The following SMARCAD1 variants were observed in gnomAD, a reference collection of about 807,000 sequenced individuals.
The protein encoded by SMARCAD1 is SNF2 related chromatin remodeling ATPase with DExD box 1, also known as SWI/SNF-related matrix-associated actin-dependent regulator of chromatin subfamily A containing DEAD/H box 1.
Under a neutral mutation model 127.1 loss-of-function variants are expected in SMARCAD1, and 25 were observed. The observed-to-expected ratio is 0.20, with a 90% confidence interval of 0.14 to 0.27. The LOEUF is 0.27. SMARCAD1 is among the 10% of genes least tolerant of loss of function. The pLI, the probability that SMARCAD1 is intolerant of heterozygous loss-of-function variation, is 1.00. For synonymous variants in SMARCAD1, 400 were observed against 396.9 expected, an observed-to-expected ratio of 1.01 and a Z score of -0.09; for missense variants, 807 against 1,206.0, an observed-to-expected ratio of 0.67 and a Z score of 4.90.
At chr4:94,214,694 A>AAGACAT (rs1278901958) in intron 2 of SMARCAD1, among the ~76,000 whole-genome samples, 1 of 152,224 alleles carries the variant, frequency 6.6e-6, no homozygotes, top group Non-Finnish European at 1.5e-5. Flanking sequence ...CAAAAGAATA[A>AAGACAT]AGACATATTT....
intron 2 of SMARCAD1, among the ~76,000 whole-genome samples, chr4:94,220,668 C>T (rs892793172): frequency 2.0e-5 from 3 of 152,162 alleles, no homozygotes; most frequent in South Asian, 2.1e-4. Flanking sequence ...GCCTTTTTCA[C>T]GATATTGATA....
intron 6 of SMARCAD1, among the ~76,000 whole-genome samples, chr4:94,243,770 A>G (rs1398203784): frequency 6.6e-6 from 1 of 152,144 alleles, no homozygotes; most frequent in African/African-American, 2.4e-5. Context: ...TCTTTTTACC[A>G]TGTATATTAT....
chr4:94,273,983 AGT>A (rs988644090), intron 12 of SMARCAD1, among the ~76,000 whole-genome samples: 4 of 152,228 alleles, frequency 2.6e-5, no homozygotes, highest in African/African-American at 9.6e-5. Flanking sequence ...TAATACTTTT[AGT>A]TACTTTTAAA....
At chr4:94,212,591 A>G (rs565815043) in intron 2 of SMARCAD1, among the ~76,000 whole-genome samples, 22 of 152,082 alleles carry the variant, frequency 1.4e-4, no homozygotes, top group African/African-American at 4.8e-4. Flanking sequence ...GGTTCAAGCA[A>G]TTCTCCTGCC....
intron 22 of SMARCAD1, among the ~76,000 whole-genome samples, chr4:94,284,349 A>AAAG (rs1754585052): frequency 1.0e-5 from 1 of 99,966 alleles, no homozygotes; most frequent in African/African-American, 3.0e-5. Flanking sequence ...AAAAAAAAAA[A>AAAG]AAAAGAAAAA....
At chr4:94,253,574 T>G (rs955118439) in intron 9 of SMARCAD1, 7 of 1,089,974 alleles carry the variant, frequency 6.4e-6, no homozygotes, top group Middle Eastern at 4.2e-4. Context: ...GGCCATTTTA[T>G]GGAGTGTAGC....
chr4:94,274,662 A>G, intron 12 of SMARCAD1, 76 bp from the exon 13 acceptor site: 1 of 1,363,640 alleles, frequency 7.3e-7, no homozygotes, highest in Non-Finnish European at 1.1e-6. Context: ...AGCACTTGTC[A>G]AAGTTTAGTG....
intron 10 of SMARCAD1, 30 bp from the exon 11 acceptor site, chr4:94,270,698 T>C (rs1348753039): frequency 6.5e-7 from 1 of 1,547,748 alleles, no homozygotes; most frequent in Non-Finnish European, 8.9e-7. Context: ...AATATAGATG[T>C]GTAATATTTG....
rs1027284767 is a variant in SMARCAD1, at chr4:94,239,428, T to A, written c.605-1478T>A. Among the ~76,000 whole-genome samples, 3 of 19,660 alleles carry A rather than the reference T, an allele frequency of 1.5e-4. No homozygotes were observed. The Admixed American group carries it at 2.4e-3, about 16-fold the overall frequency. 12.9% of individuals were successfully genotyped at this position (19,660 alleles called of 152,430 possible). A position where few individuals can be genotyped will look rare whatever the true frequency, so the allele number is the denominator to read the frequency against. On this transcript the variant is annotated intron_variant, in intron 5 of 23. Coordinates refer to ENST00000354268, the MANE Select transcript of SMARCAD1 (RefSeq NM_020159.5). Reference sequence around the variant, plus strand: ...ACACTAGGGATGTTTTTATGCTGTTTGTTTTGAAAGTTTGTTTTTGAATAT... The same window carrying A: ...ACACTAGGGATGTTTTTATGCTGTTAGTTTTGAAAGTTTGTTTTTGAATAT...
At chr4:94,228,845 A>G (rs1162798293) in intron 3 of SMARCAD1, among the ~76,000 whole-genome samples, 8 of 152,072 alleles carry the variant, frequency 5.3e-5, no homozygotes, top group Non-Finnish European at 1.0e-4. Flanking sequence ...ATCTGAAACT[A>G]TTTCTCAGTC....
intron 2 of SMARCAD1, among the ~76,000 whole-genome samples, chr4:94,224,816 A>T (rs1291911058): frequency 6.6e-6 from 1 of 152,080 alleles, no homozygotes; most frequent in Non-Finnish European, 1.5e-5. Flanking sequence ...TCTCTCTTTC[A>T]TGGGGGATAT....
At chr4:94,261,205 T>C (rs771696515) in intron 9 of SMARCAD1, among the ~76,000 whole-genome samples, 18 of 152,196 alleles carry the variant, frequency 1.2e-4, no homozygotes, top group Non-Finnish European at 2.2e-4. Flanking sequence ...TCACTTTGAA[T>C]ATATCCACTT....
chr4:94,289,949 T>G lies in SMARCAD1; in HGVS notation c.*415T>G, dbSNP rs1325771994. The G allele has an allele frequency of 2.2e-6, 1 of 454,552 alleles. No homozygotes were observed. The highest frequency in any genetic ancestry group is 4.4e-6 in the Non-Finnish European group (1 of 227,058). The allele number at this position is 454,552 out of a possible 1,614,324, so 28.2% of individuals were successfully genotyped here. A position where few individuals can be genotyped will look rare whatever the true frequency, so the allele number is the denominator to read the frequency against. On this transcript the variant is annotated 3_prime_UTR_variant, in exon 24 of 24. Coordinates refer to ENST00000354268, the MANE Select transcript of SMARCAD1 (RefSeq NM_020159.5). ...GCCTTATTTGACAATGCTTATGTCT[T>G]GTTTTTGCTTGTCTCATTTGAAGTT...
intron 2 of SMARCAD1, among the ~76,000 whole-genome samples, chr4:94,216,069 A>G (rs991784897): frequency 1.3e-5 from 2 of 152,102 alleles, no homozygotes; most frequent in African/African-American, 4.8e-5. Flanking sequence ...GTGCTGCAAG[A>G]TTAGGTATCT....
chr4:94,212,941 C>T (rs186468373), intron 2 of SMARCAD1: 128 of 572,072 alleles, frequency 2.2e-4, no homozygotes, highest in Admixed American at 1.2e-3. Flanking sequence ...CCTCTGCCCC[C>T]TGATTTATTT....
At chr4:94,215,013 C>T (rs7654919) in intron 2 of SMARCAD1, among the ~76,000 whole-genome samples, 74,701 of 151,874 alleles carry the variant, frequency 0.49, 18,555 homozygotes, top group East Asian at 0.72. Flanking sequence ...TTACAGTCTT[C>T]TCCTGGCTTT....
chr4:94,247,166 C>T (rs1026853045), intron 6 of SMARCAD1, among the ~76,000 whole-genome samples: 2 of 152,010 alleles, frequency 1.3e-5, no homozygotes, highest in African/African-American at 2.4e-5. Context: ...TTTGGTGTTT[C>T]CTATAATAGT....
chr4:94,236,570 G>GAC lies in SMARCAD1; in HGVS notation c.538-372_538-371dup, dbSNP rs1029069648. Among the ~76,000 whole-genome samples the GAC allele has an allele frequency of 1.3e-4, 20 of 151,984 alleles. No individual in the cohort carries two copies. The Middle Eastern group carries it at 0.01, about 78-fold the overall frequency. ...CTCTTTCCCCTTTCTCTCTCCATCT[G>GAC]ACACACACACATACACAAACGTGAG... On this transcript the variant is annotated intron_variant, in intron 4 of 23. Coordinates refer to ENST00000354268, the MANE Select transcript of SMARCAD1 (RefSeq NM_020159.5).
intron 2 of SMARCAD1, among the ~76,000 whole-genome samples, chr4:94,214,423 G>A (rs1742816025): frequency 1.5e-5 from 2 of 136,254 alleles, no homozygotes; most frequent in African/African-American, 5.3e-5. Context: ...CACCACGCCG[G>A]GCTAATTTTT....
Sources: gnomAD v4.1 joint callset for allele counts (sites outside exome capture counted in the v4.1 genomes callset) on GRCh38, gnomAD v4.1.1 for gene constraint, MANE v1.5 for transcripts, NCBI Gene and HGNC (gene_info 2026-07-23, HGNC 2026-07-21) for gene names.